Variants in TOPBP1 observed in about 807,000 individuals in gnomAD.
TOPBP1 encodes DNA topoisomerase 2-binding protein 1.
A neutral mutation model predicts 167.7 loss-of-function variants in TOPBP1; 28 were observed. The observed-to-expected ratio is 0.17, with a 90% CI of 0.12 to 0.23. The LOEUF is 0.23. TOPBP1 is among the 10% of genes least tolerant of loss of function. The pLI, the probability that TOPBP1 is intolerant of heterozygous loss-of-function variation, is 1.00. For missense variants in TOPBP1, 1,554 were observed against 1,809.6 expected (o/e 0.86, Z 2.56); for synonymous variants, 598 against 611.4 (o/e 0.98, Z 0.32).
chr3:133,611,242 G>T, intron 24 of TOPBP1, 101 bp from the exon 25 acceptor site: 1 of 1,039,672 alleles, frequency 9.6e-7, no homozygotes, highest in Non-Finnish European at 1.3e-6. Flanking sequence ...AACTGTTAAA[G>T]CTATACATTT....
Position 133,611,057 on chromosome 3 carries a change from C to T in TOPBP1, c.4120G>A (p.Ala1374Thr). ...NVQQRRLALAAMRWRKKIQQR... is the reference protein window; with the variant it reads ...NVQQRRLALATMRWRKKIQQR... ...TGGATTTTTTTTCTCCATCTCATTG[C>T]TGCAAGTGCTAGTCTTCGTTGCTGT... The change falls in exon 25 of 28, where the codon GCA (alanine) becomes ACA (threonine). Residue 1374 changes from alanine (A) to threonine (T), a missense_variant. Transcript: ENST00000260810. 6.2e-7 allele frequency: 1 copy of T among 1,613,488 alleles called. No individual in the cohort carries two copies. The highest frequency in any genetic ancestry group is 8.5e-7 in the Non-Finnish European group (1 of 1,179,620).
intron 27 of TOPBP1, 47 bp downstream of exon 27, chr3:133,608,488 A>C (rs775953747): frequency 5.0e-6 from 8 of 1,599,478 alleles, no homozygotes; most frequent in Non-Finnish European, 6.0e-6. Context: ...CTATGCACAT[A>C]AACGTATCTC....
chr3:133,640,025 C>T lies in TOPBP1; in HGVS notation c.2167G>A (p.Glu723Lys). ...GCTCTCTTTCCCGTTCTAGCAGTCTCCAACAGCCAAGCTATAGTAACGGCA... is the reference window on the plus strand; with the variant it reads ...GCTCTCTTTCCCGTTCTAGCAGTCTTCAACAGCCAAGCTATAGTAACGGCA... ...LPAVTIAWLLETARTGKRADE... is the reference protein window; with the variant it reads ...LPAVTIAWLLKTARTGKRADE... The change falls in exon 13 of 28, where the codon GAG (glutamate) becomes AAG (lysine). Residue 723 changes from glutamate (E) to lysine (K), a missense_variant. Glu to Lys is a moderately conservative substitution (Grantham distance 56, BLOSUM62 1). This residue lies in a region of TOPBP1 where 1,197 missense variants were observed against 1,351.5 expected (regional missense o/e 0.89). Transcript: ENST00000260810. The T allele has an allele frequency of 6.2e-7, 1 of 1,613,894 alleles. No individual in the cohort carries two copies. Among genetic ancestry groups the T allele is most frequent in the South Asian group, 1.1e-5 (1 of 91,082 alleles).
chr3:133,607,403 A>T (rs553435364), intron 27 of TOPBP1, among the ~76,000 whole-genome samples: 1 of 152,108 alleles, frequency 6.6e-6, no homozygotes, highest in African/African-American at 2.4e-5. Context: ...TTTTATGGAC[A>T]TATTTTTTCA....
chr3:133,622,179 A>G (rs1935111225), intron 19 of TOPBP1, among the ~76,000 whole-genome samples: 1 of 124,362 alleles, frequency 8.0e-6, no homozygotes, highest in East Asian at 2.3e-4. Flanking sequence ...GTAGTCCACC[A>G]TTTATGTTTT....
At position 133,644,564 on chromosome 3, in the gene TOPBP1, T is replaced by G. The variant is rs114014774; in HGVS notation, c.1505-201A>C. Among the ~76,000 whole-genome samples, 1,675 of 152,328 alleles carry G rather than the reference T, an allele frequency of 0.011. 17 individuals are homozygous for G. The highest frequency in any genetic ancestry group is 0.027 in the Middle Eastern group (8 of 294). On this transcript the variant is annotated intron_variant, in intron 10 of 27. Coordinates refer to ENST00000260810, the MANE Select transcript of TOPBP1 (RefSeq NM_007027.4). ...CCTTATCAGTATTACCATCATCCAT[T>G]GGGAAGGACAAGAGCAATCATGTTA...
rs148637751 is a variant in TOPBP1 at position 133,661,069 on chromosome 3, G to T, written c.59C>A (p.Ser20Tyr). 139 of 1,596,422 alleles carry T rather than the reference G, an allele frequency of 8.7e-5. 1 individual carries two copies. In the East Asian group the frequency reaches 1.8e-3, roughly 20 times the overall value. Residue 20 changes from serine (S) to tyrosine (Y), a missense_variant, in exon 2 of 28, where the codon TCC becomes TAC. By Grantham distance (144) the Ser-to-Tyr change is moderately radical. Around this residue, in one of 3 missense-constraint regions of TOPBP1, gnomAD observed 1,197 missense variants for 1,351.5 expected, o/e 0.89. Transcript: ENST00000260810. Reference sequence around the variant, plus strand: ...CTCGAGAGCTTTAAAAAAACATTTGGAATTGTCTGAAGACTTTAAAAACTT... The same window carrying T: ...CTCGAGAGCTTTAAAAAAACATTTGTAATTGTCTGAAGACTTTAAAAACTT... ...FVKFLKSSDN[S>Y]KCFFKALESI...
Position 133,649,629 on chromosome 3 carries a change from G to A in TOPBP1, c.1258C>T (p.His420Tyr), listed in dbSNP as rs1936213364. 1 of 1,612,842 alleles carries A rather than the reference G, an allele frequency of 6.2e-7. No individual in the cohort carries two copies. Among genetic ancestry groups the A allele is most frequent in the Non-Finnish European group, 8.5e-7 (1 of 1,179,538 alleles). The stretch of plus-strand genomic sequence containing the variant: ...AGCAACCACTTTGCTCCCACTACAT[G>A]AGGCCTACAAAAATAGCACATAGTT... ...QFWNKSAHRP[H>Y]VVGAKWLLEC... Residue 420 changes from histidine (H) to tyrosine (Y), a missense_variant, in exon 10 of 28, where the codon CAT becomes TAT. By Grantham distance (83) the His-to-Tyr change is moderately conservative (BLOSUM62 2). Coordinates refer to ENST00000260810, the MANE Select transcript of TOPBP1 (RefSeq NM_007027.4).
Position 133,612,530 on chromosome 3 carries a change from C to T in TOPBP1, c.3894G>A (p.Gln1298=). Residue 1298 remains glutamine, a synonymous_variant, in exon 24 of 28, where the codon CAG becomes CAA. Transcript: ENST00000260810. The stretch of plus-strand genomic sequence containing the variant: ...TGTGTGTACAGGTGGGATCAAAGCA[C>T]TGCTTTTCTATCACCAATCCACCTT... ...EKLGGLVIEK[Q]CFDPTCTHIV... is the part of the protein sequence containing the mutation. The T allele has an allele frequency of 6.2e-7, 1 of 1,613,574 alleles. No individual in the cohort carries two copies. The highest frequency in any genetic ancestry group is 1.6e-4 in the Middle Eastern group (1 of 6,062).
At position 133,653,326 on chromosome 3, in the gene TOPBP1, T is replaced by G; in HGVS notation, c.922+19A>C. On this transcript the variant is annotated intron_variant, in intron 7 of 27. Coordinates refer to ENST00000260810, the MANE Select transcript of TOPBP1 (RefSeq NM_007027.4). ...ATGACTGTCTTCAGAATAATTATTT[T>G]AATCTCAATGAGACTCACTATCAAT... The G allele has an allele frequency of 6.5e-7, 1 of 1,545,494 alleles. No homozygotes were observed. The highest frequency in any genetic ancestry group is 8.7e-7 in the Non-Finnish European group (1 of 1,151,438).
At chr3:133,633,374 C>T (rs1173010429) in intron 14 of TOPBP1, among the ~76,000 whole-genome samples, 1 of 152,192 alleles carries the variant, frequency 6.6e-6, no homozygotes, top group Non-Finnish European at 1.5e-5. Flanking sequence ...AACCCCTCCT[C>T]CCTCTTTGAA....
At chr3:133,626,366 A>T (rs1190028954) in intron 16 of TOPBP1, among the ~76,000 whole-genome samples, 1 of 152,172 alleles carries the variant, frequency 6.6e-6, no homozygotes, top group Non-Finnish European at 1.5e-5. Flanking sequence ...GGGTGCTACT[A>T]GCATGCAGTG....
rs186513392 is a variant in TOPBP1 at position 133,658,312 on chromosome 3, C to G, written c.220-371G>C. ...TGAAACCCCGTCTCTACTAAAAATACAAAAATTAGTCGGGTGCAGTGGCGG... is the reference window on the plus strand; with the variant it reads ...TGAAACCCCGTCTCTACTAAAAATAGAAAAATTAGTCGGGTGCAGTGGCGG... On this transcript the variant is annotated intron_variant, in intron 3 of 27. Transcript: ENST00000260810. Among the ~76,000 whole-genome samples, 533 of 150,856 alleles carry G rather than the reference C, an allele frequency of 3.5e-3. 1 individual carries two copies. The highest frequency in any genetic ancestry group is 7.2e-3 in the Middle Eastern group (2 of 278).
At chr3:133,645,554 T>C (rs561265851) in intron 10 of TOPBP1, among the ~76,000 whole-genome samples, 6 of 152,254 alleles carry the variant, frequency 3.9e-5, no homozygotes, top group African/African-American at 1.2e-4. Context: ...TTTTTGCAAG[T>C]ACAATTATTT....
In TOPBP1 at chr3:133,624,080, T is replaced by C; in HGVS notation, c.2900A>G (p.His967Arg). ...EYKSVKERGV[H>R]IVSEHWLLDC... Reference sequence around the variant, plus strand: ...TAAAAGCCAGTGCTCGGAAACAATGTGTACTCCTCTTTCTTTTACAGATTT... The same window carrying C: ...TAAAAGCCAGTGCTCGGAAACAATGCGTACTCCTCTTTCTTTTACAGATTT... Residue 967 changes from histidine (H) to arginine (R), a missense_variant, in exon 17 of 28, where the codon CAC becomes CGC. Around this residue, in one of 3 missense-constraint regions of TOPBP1, gnomAD observed 1,197 missense variants for 1,351.5 expected, o/e 0.89. Transcript: ENST00000260810. 3 of 1,613,686 alleles carry C rather than the reference T, an allele frequency of 1.9e-6. No homozygotes were observed. The highest frequency in any genetic ancestry group is 2.2e-5 in the South Asian group (2 of 91,050).
intron 14 of TOPBP1, among the ~76,000 whole-genome samples, chr3:133,636,041 C>T (rs1935659536): frequency 6.7e-6 from 1 of 149,654 alleles, no homozygotes; most frequent in South Asian, 2.1e-4. Flanking sequence ...TATGATTCCA[C>T]ATATTTAAAA....
rs1936206716 is a variant in TOPBP1, at chr3:133,649,517, T to C, written c.1370A>G (p.Lys457Arg). ...YQPVEIPVSH[K>R]PESKAALLKK... Reference sequence around the variant, plus strand: ...TAAAAGAGCTGCTTTACTTTCAGGCTTATGTGAAACTGGAATTTCCACTGG... The same window carrying C: ...TAAAAGAGCTGCTTTACTTTCAGGCCTATGTGAAACTGGAATTTCCACTGG... The change falls in exon 10 of 28, where the codon AAG becomes AGG. Residue 457 changes from lysine to arginine, a missense_variant. By Grantham distance (26) the Lys-to-Arg change is conservative. Around this residue, in one of 3 missense-constraint regions of TOPBP1, gnomAD observed 1,197 missense variants for 1,351.5 expected, o/e 0.89. Coordinates refer to ENST00000260810, the MANE Select transcript of TOPBP1 (RefSeq NM_007027.4). The C allele has an allele frequency of 3.7e-6, 6 of 1,613,960 alleles. No homozygotes were observed. Among genetic ancestry groups the C allele is most frequent in the Non-Finnish European group, 5.1e-6 (6 of 1,179,882 alleles).
intron 14 of TOPBP1, among the ~76,000 whole-genome samples, chr3:133,632,104 A>G (rs1254483547): frequency 6.6e-6 from 1 of 152,080 alleles, no homozygotes; most frequent in Non-Finnish European, 1.5e-5. Context: ...TGAGTCAATT[A>G]AACCTCTTTT....
chr3:133,616,321 C>A (rs560226446), intron 23 of TOPBP1, among the ~76,000 whole-genome samples: 25 of 152,106 alleles, frequency 1.6e-4, no homozygotes, highest in East Asian at 1.2e-3. Flanking sequence ...AGGGTTTCAC[C>A]ATGTTGGCCA....
Sources: gnomAD v4.1 joint callset for allele counts (sites outside exome capture counted in the v4.1 genomes callset) on GRCh38, gnomAD v4.1.1 for gene constraint, gnomAD v4.1.1 regional missense constraint, MANE v1.5 for transcripts, NCBI Gene and HGNC (gene_info 2026-07-23, HGNC 2026-07-21) for gene names.